Variants in LPO observed in about 807,000 individuals in gnomAD.
LPO encodes the protein lactoperoxidase.
LPO carries 70 observed loss-of-function variants against 68.4 expected under a neutral mutation model. The ratio of observed to expected loss-of-function variants is 1.02; its 90% CI spans 0.84 to 1.25. The LOEUF (loss-of-function observed/expected upper bound fraction) is 1.25, where lower values mean the gene tolerates loss of function less well. Ranked by LOEUF, LPO falls within the 50% of genes most tolerant of loss-of-function variation. The pLI, the probability that LPO is intolerant of heterozygous loss-of-function variation, is 0.00. For synonymous variants in LPO, 360 were observed against 357.6 expected, an observed-to-expected ratio of 1.01 and a Z score of -0.08; for missense variants, 873 against 908.4, an observed-to-expected ratio of 0.96 and a Z score of 0.50.
At chr17:58,249,832 C>T (rs374116083) in intron 6 of LPO, 137 bp downstream of exon 6, 27 of 1,280,610 alleles carry the variant, frequency 2.1e-5, no homozygotes, top group Middle Eastern at 2.8e-4. Flanking sequence ...CAGACCCCCA[C>T]CTTCCGCTAG....
intron 3 of LPO, among the ~76,000 whole-genome samples, chr17:58,245,033 C>T (rs1969828204): frequency 6.6e-6 from 1 of 152,224 alleles, no homozygotes; most frequent in African/African-American, 2.4e-5. Flanking sequence ...TCCTCCTCAG[C>T]CCTTGAATGA....
rs541442176 is a variant in LPO at position 58,249,135 on chromosome 17, C to G, written c.401C>G (p.Pro134Arg). ...GAPAPVVRCD[P>R]CSPYRTITGD... Reference sequence around the variant, plus strand: ...CCTGCTCCCGTGGTGAGATGCGACCCGTGCAGCCCTTACCGCACCATTACG... The same window carrying G: ...CCTGCTCCCGTGGTGAGATGCGACCGGTGCAGCCCTTACCGCACCATTACG... Residue 134 changes from proline (P) to arginine (R), a missense_variant, in exon 5 of 13, where the codon CCG (proline) becomes CGG (arginine). Physicochemically the swap from Pro to Arg is moderately radical, Grantham distance 103 (BLOSUM62 -2). Coordinates refer to ENST00000262290, the MANE Select transcript of LPO (RefSeq NM_006151.3). The G allele has an allele frequency of 1.4e-5, 23 of 1,614,202 alleles. No homozygotes were observed. The highest frequency in any genetic ancestry group is 4.5e-5 in the East Asian group (2 of 44,884).
At position 58,250,505 on chromosome 17, in the gene LPO, C is replaced by A; in HGVS notation, c.664C>A (p.Gln222Lys). The change falls in exon 7 of 13, where the codon CAG becomes AAG. Residue 222 changes from glutamine to lysine, a missense_variant. Transcript: ENST00000262290. ...GTCCCTGCTCTTCATGCAGTGGGGT[C>A]AGATTGTGGATCATGACCTGGACTT... ...NRSLLFMQWG[Q>K]IVDHDLDFAP... 6.2e-7 allele frequency: 1 copy of A among 1,614,126 alleles called. No individual in the cohort carries two copies. Among genetic ancestry groups the A allele is most frequent in the Non-Finnish European group, 8.5e-7 (1 of 1,180,012 alleles).
chr17:58,250,082 A>C (rs1171046644), intron 6 of LPO, among the ~76,000 whole-genome samples: 1 of 151,626 alleles, frequency 6.6e-6, no homozygotes, highest in East Asian at 1.9e-4. Context: ...GACACCTGGC[A>C]CCTCCGTAGC....
At chr17:58,263,170 T>C (rs536001333) in intron 9 of LPO, among the ~76,000 whole-genome samples, 38 of 152,370 alleles carry the variant, frequency 2.5e-4, no homozygotes, top group Admixed American at 5.2e-4. Context: ...TTCTGTAATT[T>C]TGATTTGTTT....
chr17:58,245,529 C>A (rs1969837048), intron 3 of LPO, among the ~76,000 whole-genome samples: 1 of 152,124 alleles, frequency 6.6e-6, no homozygotes, highest in African/African-American at 2.4e-5. Context: ...TGTCTTGGGG[C>A]AGGTCCCTTT....
chr17:58,266,895 C>T (rs1598035166), intron 11 of LPO, among the ~76,000 whole-genome samples: 2 of 152,174 alleles, frequency 1.3e-5, no homozygotes, highest in South Asian at 4.1e-4. Flanking sequence ...ACTTTAAAAA[C>T]AGTTTAAAAG....
chr17:58,263,415 T>C (rs554988578), intron 9 of LPO, among the ~76,000 whole-genome samples: 1 of 152,350 alleles, frequency 6.6e-6, no homozygotes, highest in African/African-American at 2.4e-5. Context: ...TTTTGGTTGC[T>C]ATATTAGGAG....
rs1397840427 is a variant in LPO at position 58,243,359 on chromosome 17, C to G, written c.76+304C>G. ...TCCTCTCCTCTTCTCATAAAACCAC[C>G]ATTTATTGGATTTAGGGCCGATGCT... On this transcript the variant is annotated intron_variant, in intron 2 of 12. Coordinates refer to ENST00000262290, the MANE Select transcript of LPO (RefSeq NM_006151.3). 16 of 347,406 alleles carry G rather than the reference C, an allele frequency of 4.6e-5. No individual in the cohort carries two copies. The East Asian group carries it at 7.8e-4, about 17-fold the overall frequency. The allele number at this position is 347,406 out of a possible 1,614,324, so 21.5% of individuals were successfully genotyped here. A position where few individuals can be genotyped will look rare whatever the true frequency, so the allele number is the denominator to read the frequency against.
At chr17:58,252,839 T>C (rs940722706) in intron 8 of LPO, among the ~76,000 whole-genome samples, 4 of 151,706 alleles carry the variant, frequency 2.6e-5, no homozygotes, top group Non-Finnish European at 5.9e-5. Flanking sequence ...CTGGCTAACA[T>C]GGTGAAACCC....
At chr17:58,254,108 CAGAT>C (rs1490090005) in intron 8 of LPO, among the ~76,000 whole-genome samples, 14 of 146,442 alleles carry the variant, frequency 9.6e-5, no homozygotes, top group Non-Finnish European at 1.8e-4. Flanking sequence ...CAAGACTGTC[CAGAT>C]AGATAGATAG....
rs1330298428 is a variant in LPO at position 58,247,583 on chromosome 17, G to A, written c.270G>A (p.Val90=). ...RTRTAIRNGQ[V]WEESLKRLRQ... is the part of the protein sequence containing the mutation. ...GCACAGCCATCCGCAATGGACAGGT[G>A]TGGGAGGAGTCTTTAAAGAGACTGA... Residue 90 remains valine, a synonymous_variant, in exon 4 of 13, where the codon GTG becomes GTA. Transcript: ENST00000262290. 4 of 1,614,110 alleles carry A rather than the reference G, an allele frequency of 2.5e-6. No homozygotes were observed. In the Admixed American group the frequency reaches 5.0e-5, roughly 20 times the overall value.
Position 58,252,435 on chromosome 17 carries a change from C to A in LPO, c.1034C>A (p.Pro345His), listed in dbSNP as rs764876596. Residue 345 changes from proline to histidine, a missense_variant, in exon 8 of 13, where the codon CCC (proline) becomes CAC (histidine). Coordinates refer to ENST00000262290, the MANE Select transcript of LPO (RefSeq NM_006151.3). Reference protein sequence around the residue: ...EVSDHGLPYLPYDSKKPSPCE... With the variant: ...EVSDHGLPYLHYDSKKPSPCE... Reference sequence around the variant, plus strand: ...TCAGACCATGGACTACCCTACCTGCCCTATGACAGCAAGAAGCCAAGCCCC... The same window carrying A: ...TCAGACCATGGACTACCCTACCTGCACTATGACAGCAAGAAGCCAAGCCCC... 105 of 1,614,030 alleles carry A rather than the reference C, an allele frequency of 6.5e-5. No homozygotes were observed. The highest frequency in any genetic ancestry group is 7.6e-5 in the Non-Finnish European group (90 of 1,180,042).
At chr17:58,242,783 C>T (rs1044538139) in intron 1 of LPO, 195 bp from the exon 2 acceptor site, 2 of 529,470 alleles carry the variant, frequency 3.8e-6, no homozygotes, top group East Asian at 3.3e-5. Flanking sequence ...ATGTCTTCTC[C>T]TCTTTCCATC....
At chr17:58,245,097 T>C (rs1178681182) in intron 3 of LPO, among the ~76,000 whole-genome samples, 3 of 152,240 alleles carry the variant, frequency 2.0e-5, no homozygotes, top group Non-Finnish European at 4.4e-5. Context: ...AAACACGCTC[T>C]GGACGCTTCT....
chr17:58,249,098 G>A lies in LPO; in HGVS notation c.364G>A (p.Gly122Ser). ...LDLTSLSLEVGCGAPAPVVRC... is the reference protein window; with the variant it reads ...LDLTSLSLEVSCGAPAPVVRC... ...CTTGACTTCACTGTCTCTGGAGGTGGGCTGTGGTGCTCCTGCTCCCGTGGT... is the reference window on the plus strand; with the variant it reads ...CTTGACTTCACTGTCTCTGGAGGTGAGCTGTGGTGCTCCTGCTCCCGTGGT... Residue 122 changes from glycine to serine, a missense_variant, in exon 5 of 13, where the codon GGC becomes AGC. Gly to Ser is a moderately conservative substitution (Grantham distance 56). Coordinates refer to ENST00000262290, the MANE Select transcript of LPO (RefSeq NM_006151.3). 6.2e-7 allele frequency: 1 copy of A among 1,614,186 alleles called. No individual in the cohort carries two copies. Among genetic ancestry groups the A allele is most frequent in the Non-Finnish European group, 8.5e-7 (1 of 1,180,026 alleles).
Position 58,266,169 on chromosome 17 carries a change from G to T in LPO, c.1536G>T (p.Leu512=). Reference sequence around the variant, plus strand: ...CCTTGGCAGGTGGAATTGATCCTCTGGTGCGGGGCCTGCTGGCCAAGAAAT... The same window carrying T: ...CCTTGGCAGGTGGAATTGATCCTCTTGTGCGGGGCCTGCTGGCCAAGAAAT... The part of the protein sequence containing the change: ...RMVKDGGIDP[L]VRGLLAKKSK... Residue 512 remains leucine (L), a synonymous_variant, in exon 11 of 13, where the codon CTG becomes CTT. Coordinates refer to ENST00000262290, the MANE Select transcript of LPO (RefSeq NM_006151.3). 1.2e-6 allele frequency: 2 copies of T among 1,614,036 alleles called. No individual in the cohort carries two copies. The highest frequency in any genetic ancestry group is 1.7e-6 in the Non-Finnish European group (2 of 1,179,984).
At position 58,243,060 on chromosome 17, in the gene LPO, GT is replaced by G; in HGVS notation, c.76+6del. ...CTGCAGCATCTACCACAAGAGGTGA[GT>G]GTCTCCCTTTACGGGTTTTCTGGGG... is the stretch of plus-strand genomic sequence containing the variant. On this transcript the variant is annotated splice_donor_region_variant and intron_variant, in intron 2 of 12. Transcript: ENST00000262290. 6.2e-7 allele frequency: 1 copy of G among 1,613,770 alleles called. No individual in the cohort carries two copies. The highest frequency in any genetic ancestry group is 8.5e-7 in the Non-Finnish European group (1 of 1,179,932).
Position 58,254,160 on chromosome 17 carries a change from G to T in LPO, c.1106-651G>T, listed in dbSNP as rs111296775. Among the ~76,000 whole-genome samples the T allele has an allele frequency of 2.3e-3, 249 of 107,512 alleles. 1 individual carries two copies. The highest frequency in any genetic ancestry group is 0.01 in the African/African-American group (203 of 19,762). 70.5% of individuals were successfully genotyped at this position (107,512 alleles called of 152,430 possible). A position where few individuals can be genotyped will look rare whatever the true frequency, so the allele number is the denominator to read the frequency against. On this transcript the variant is annotated intron_variant, in intron 8 of 12. Transcript: ENST00000262290. ...ATATAGATATATAGATATATAGATA[G>T]ATAGATAGATAGATAGATAGATAGA...
Sources: allele counts gnomAD v4.1 joint callset (sites outside exome capture counted in the v4.1 genomes callset), GRCh38; gene constraint gnomAD v4.1.1; transcripts MANE v1.5; gene names NCBI Gene and HGNC (gene_info 2026-07-23, HGNC 2026-07-21).